Variants in SPTLC1 observed in about 807,000 individuals in gnomAD.
SPTLC1 encodes serine palmitoyltransferase long chain base subunit 1, also known as serine palmitoyltransferase 1.
In SPTLC1, 55 loss-of-function variants were observed where a neutral mutation model predicts 68.9. That is an observed-to-expected ratio of 0.80 (90% CI 0.64 to 1.00). The LOEUF (loss-of-function observed/expected upper bound fraction) is 1.00, where lower values mean the gene tolerates loss of function less well. SPTLC1 is among the 50% of genes least tolerant of loss of function. SPTLC1 has a pLI of 0.00. For synonymous variants in SPTLC1, 197 were observed against 201.6 expected (o/e 0.98, Z 0.19); for missense variants, 449 against 573.1 (o/e 0.78, Z 2.21).
chr9:92,081,697 A>T (rs1037822020), intron 3 of SPTLC1, among the ~76,000 whole-genome samples: 13 of 152,258 alleles, frequency 8.5e-5, no homozygotes, highest in African/African-American at 3.1e-4. Flanking sequence ...AGTTGGTCAC[A>T]ATCAGCCTAT....
At chr9:92,052,456 C>A (rs993859430) in intron 8 of SPTLC1, among the ~76,000 whole-genome samples, 1 of 151,938 alleles carries the variant, frequency 6.6e-6, no homozygotes, top group African/African-American at 2.4e-5. Context: ...AAATGTAAGA[C>A]TGAAAACTAT....
At chr9:92,048,777 T>C (rs1248055092) in intron 9 of SPTLC1, among the ~76,000 whole-genome samples, 4 of 152,234 alleles carry the variant, frequency 2.6e-5, no homozygotes, top group Admixed American at 2.6e-4. Flanking sequence ...TTAAATATAT[T>C]CAAATATTCA....
At chr9:92,048,533 G>T (rs1833597523) in intron 9 of SPTLC1, among the ~76,000 whole-genome samples, 1 of 152,070 alleles carries the variant, frequency 6.6e-6, no homozygotes, top group African/African-American at 2.4e-5. Flanking sequence ...ACAGAACAAA[G>T]AATCCCCATC....
chr9:92,032,226 CTG>C lies in SPTLC1; in HGVS notation c.*237_*238del. On this transcript the variant is annotated 3_prime_UTR_variant, in exon 15 of 15. Coordinates refer to ENST00000262554, the MANE Select transcript of SPTLC1 (RefSeq NM_006415.4). ...GCACAATTTAAACATCAGTTATACA[CTG>C]TCATTAGTTTTCCTCTTAAAAAAAT... 2 of 1,424,178 alleles carry C rather than the reference CTG, an allele frequency of 1.4e-6. No homozygotes were observed. Among genetic ancestry groups the C allele is most frequent in the Non-Finnish European group, 1.9e-6 (2 of 1,064,184 alleles). The allele number at this position is 1,424,178 out of a possible 1,614,324, so 88.2% of individuals were successfully genotyped here. A position where few individuals can be genotyped will look rare whatever the true frequency, so the allele number is the denominator to read the frequency against.
At chr9:92,086,040 T>C (rs1835111629) in intron 3 of SPTLC1, among the ~76,000 whole-genome samples, 1 of 151,882 alleles carries the variant, frequency 6.6e-6, no homozygotes, top group South Asian at 2.1e-4. Flanking sequence ...TTAAAGTCTG[T>C]TTTATCAGAG....
At chr9:92,038,736 C>T (rs1833240122) in intron 12 of SPTLC1, among the ~76,000 whole-genome samples, 1 of 152,254 alleles carries the variant, frequency 6.6e-6, no homozygotes, top group Non-Finnish European at 1.5e-5. Context: ...GCTGCATGTG[C>T]CAGGGCCCAG....
chr9:92,060,009 G>A (rs188273719), intron 6 of SPTLC1, among the ~76,000 whole-genome samples: 66 of 152,316 alleles, frequency 4.3e-4, no homozygotes, highest in Admixed American at 3.8e-3. Context: ...GCACTTGGGA[G>A]TAGTGGGCAC....
chr9:92,045,179 T>C (rs1348862093), intron 12 of SPTLC1, among the ~76,000 whole-genome samples: 1 of 152,162 alleles, frequency 6.6e-6, no homozygotes, highest in Non-Finnish European at 1.5e-5. Flanking sequence ...TTATCAATTG[T>C]CCTTTTCTTT....
At chr9:92,038,426 G>A (rs949437220) in intron 12 of SPTLC1, 61 bp from the exon 13 acceptor site, 57 of 1,079,096 alleles carry the variant, frequency 5.3e-5, no homozygotes, top group Non-Finnish European at 7.7e-5. Context: ...ATCGCTCACG[G>A]AGAAATAATG....
chr9:92,049,587 C>G (rs1833638551), intron 9 of SPTLC1, among the ~76,000 whole-genome samples: 1 of 152,204 alleles, frequency 6.6e-6, no homozygotes, highest in Non-Finnish European at 1.5e-5. Context: ...AAACAGTATC[C>G]TTTCTCTGCC....
chr9:92,112,834 G>A (rs889528703), intron 1 of SPTLC1, among the ~76,000 whole-genome samples: 18 of 152,138 alleles, frequency 1.2e-4, no homozygotes, highest in Non-Finnish European at 5.9e-5. Flanking sequence ...TAGGCCAGGC[G>A]TGGTGGCTCA....
At chr9:92,056,871 C>A (rs1564091590) in intron 7 of SPTLC1, among the ~76,000 whole-genome samples, 3 of 152,186 alleles carry the variant, frequency 2.0e-5, no homozygotes. Context: ...CAACTCACAA[C>A]TGAAAGCTGG....
chr9:92,086,045 T>C (rs1259857047), intron 3 of SPTLC1, among the ~76,000 whole-genome samples: 4 of 151,976 alleles, frequency 2.6e-5, no homozygotes, highest in Middle Eastern at 3.4e-3. Context: ...GTCTGTTTTA[T>C]CAGAGACTAG....
At chr9:92,036,547 A>T (rs1345372256) in intron 13 of SPTLC1, among the ~76,000 whole-genome samples, 1 of 152,134 alleles carries the variant, frequency 6.6e-6, no homozygotes, top group Non-Finnish European at 1.5e-5. Flanking sequence ...TCGAGAAGAG[A>T]CTCAGTGAGA....
At position 92,089,316 on chromosome 9, in the gene SPTLC1, A is replaced by G. The variant is rs1353018234; in HGVS notation, c.261-8353T>C. On this transcript the variant is annotated intron_variant, in intron 3 of 14. Coordinates refer to ENST00000262554, the MANE Select transcript of SPTLC1 (RefSeq NM_006415.4). ...TAATACCAGCTACTGGGGAGGCTAA[A>G]GCAGGAGAATCGCTTGAACCCAGGA... 3.3e-5 allele frequency among the ~76,000 whole-genome samples: 5 copies of G among 152,126 alleles called. No homozygotes were observed. In the East Asian group the frequency reaches 9.6e-4, roughly 29 times the overall value.
intron 3 of SPTLC1, chr9:92,104,560 C>A: frequency 6.8e-7 from 1 of 1,464,282 alleles, no homozygotes; most frequent in Non-Finnish European, 9.2e-7. Flanking sequence ...ACCTCAGCCC[C>A]GTGAGGATCT....
chr9:92,083,679 C>A (rs200613493), intron 3 of SPTLC1, among the ~76,000 whole-genome samples: 11,755 of 152,016 alleles, frequency 0.077, 800 homozygotes, highest in East Asian at 0.27. Context: ...TAGCATGATG[C>A]CTCCAGCTTT....
At chr9:92,088,362 C>T (rs762962310) in intron 3 of SPTLC1, among the ~76,000 whole-genome samples, 28 of 152,346 alleles carry the variant, frequency 1.8e-4, no homozygotes, top group Admixed American at 1.0e-3. Flanking sequence ...AGCTGTAGAC[C>T]GGAGCTGTTC....
At position 92,034,844 on chromosome 9, in the gene SPTLC1, A is replaced by G; in HGVS notation, c.1294T>C (p.Leu432=). Residue 432 remains leucine (L), a synonymous_variant, in exon 14 of 15, where the codon TTG becomes CTG. Coordinates refer to ENST00000262554, the MANE Select transcript of SPTLC1 (RefSeq NM_006415.4). ...GGGAGACACTTCTCTTCTTTCTCCAAGTAGCGCGCCTGAGTTAATGCAATA... is the reference window on the plus strand; with the variant it reads ...GGGAGACACTTCTCTTCTTTCTCCAGGTAGCGCGCCTGAGTTAATGCAATA... ...RSIALTQARY[L]EKEEKCLPPP... is the part of the protein sequence containing the mutation. The G allele has an allele frequency of 1.2e-6, 2 of 1,614,218 alleles. No individual in the cohort carries two copies. The highest frequency in any genetic ancestry group is 1.7e-6 in the Non-Finnish European group (2 of 1,180,042).
Sources: gnomAD v4.1 joint callset for allele counts (sites outside exome capture counted in the v4.1 genomes callset) on GRCh38, gnomAD v4.1.1 for gene constraint, MANE v1.5 for transcripts, NCBI Gene and HGNC (gene_info 2026-07-23, HGNC 2026-07-21) for gene names.